GUSB: variants seen among roughly 807,000 people sequenced by gnomAD.
GUSB encodes beta-glucuronidase.
In GUSB, 51 loss-of-function variants were observed where a neutral mutation model predicts 74.6. The ratio of observed to expected loss-of-function variants is 0.68; its 90% CI spans 0.55 to 0.86. The LOEUF is 0.86. GUSB is among the 40% of genes least tolerant of loss of function. The pLI, the probability that GUSB is intolerant of heterozygous loss-of-function variation, is 0.00. For synonymous variants in GUSB, 360 were observed against 348.3 expected, an observed-to-expected ratio of 1.03 and a Z score of -0.37; for missense variants, 736 against 853.7, an observed-to-expected ratio of 0.86 and a Z score of 1.72.
intron 4 of GUSB, 147 bp from the exon 5 acceptor site, chr7:65,976,349 G>A (rs1438888427): frequency 3.9e-5 from 25 of 645,736 alleles, no homozygotes; most frequent in African/African-American, 9.3e-5. Context: ...TTTTTGAGAC[G>A]GAGTCTCACT....
At chr7:65,977,713 G>A (rs1051175727) in intron 4 of GUSB, among the ~76,000 whole-genome samples, 7 of 151,696 alleles carry the variant, frequency 4.6e-5, no homozygotes, top group Admixed American at 3.9e-4. Flanking sequence ...ACTTAGAACC[G>A]CGGCCCCACA....
intron 4 of GUSB, among the ~76,000 whole-genome samples, chr7:65,978,866 A>T (rs1791782732): frequency 1.3e-5 from 2 of 151,992 alleles, no homozygotes; most frequent in Non-Finnish European, 2.9e-5. Context: ...CACCCTTGAC[A>T]TCCCAGGCTC....
intron 10 of GUSB, among the ~76,000 whole-genome samples, chr7:65,967,008 C>T (rs1790878956): frequency 6.6e-6 from 1 of 152,084 alleles, no homozygotes; most frequent in Non-Finnish European, 1.5e-5. Context: ...CAAGCAAGAG[C>T]AGGAGAGCAA....
rs1236870861 is a variant in GUSB, at chr7:65,964,281, T to G, written c.1789+42A>C. On this transcript the variant is annotated intron_variant, in intron 11 of 11. Transcript: ENST00000304895. ...GAATTGGAAAGGCAACCTGAAAAAA[T>G]GAGGACGGGTACGTTATCCCATGAG... 9 of 1,575,178 alleles carry G rather than the reference T, an allele frequency of 5.7e-6. No individual in the cohort carries two copies. In the African/African-American group the frequency reaches 1.2e-4, roughly 21 times the overall value.
At chr7:65,973,703 G>C (rs1253313078) in intron 8 of GUSB, among the ~76,000 whole-genome samples, 1 of 152,226 alleles carries the variant, frequency 6.6e-6, no homozygotes, top group Non-Finnish European at 1.5e-5. Flanking sequence ...GTTGCAGTGA[G>C]CTGAGATCAT....
rs1251069126 is a variant in GUSB at position 65,982,016 on chromosome 7, G to C, written c.168C>G (p.Arg56=). ...SFRADFSDNR[R]RGFEEQWYRR... ...GGTACCACTGCTCCTCGAAGCCCCG[G>C]CGTCGGTTGTCAGAGAAGTCGGCGC... Residue 56 remains arginine (R), a synonymous_variant, in exon 1 of 12, where the codon CGC becomes CGG. Coordinates refer to ENST00000304895, the MANE Select transcript of GUSB (RefSeq NM_000181.4). The C allele has an allele frequency of 1.2e-6, 2 of 1,610,114 alleles. No individual in the cohort carries two copies. Among genetic ancestry groups the C allele is most frequent in the Admixed American group, 3.3e-5 (2 of 59,954 alleles).
intron 5 of GUSB, 182 bp downstream of exon 5, chr7:65,975,833 A>G (rs1375488857): frequency 3.6e-6 from 2 of 563,350 alleles, no homozygotes; most frequent in South Asian, 2.1e-5. Flanking sequence ...CCTGGGTGAC[A>G]GAGTGAGACC....
chr7:65,974,211 C>T, intron 8 of GUSB, 84 bp downstream of exon 8: 1 of 1,388,508 alleles, frequency 7.2e-7, no homozygotes, highest in Middle Eastern at 1.8e-4. Context: ...CGAGGCCGAT[C>T]TTGAACAGCA....
chr7:65,963,283 A>T (rs1315965659), intron 11 of GUSB, among the ~76,000 whole-genome samples: 1 of 151,500 alleles, frequency 6.6e-6, no homozygotes, highest in African/African-American at 2.4e-5. Context: ...TTTTCCCTTT[A>T]CCTCTTCCTT....
chr7:65,971,842 A>G lies in GUSB; in HGVS notation c.1392-1476T>C, dbSNP rs150201881. 9.3e-3 allele frequency among the ~76,000 whole-genome samples: 1,414 copies of G among 152,086 alleles called. 25 individuals carry two copies. The highest frequency in any genetic ancestry group is 0.031 in the African/African-American group (1,275 of 41,458). ...GATAACCTGAGGTTGGGAGTTCGAG[A>G]CCAGCCTGACCAACACGGAGAAACC... is the stretch of plus-strand genomic sequence containing the variant. On this transcript the variant is annotated intron_variant, in intron 8 of 11. Transcript: ENST00000304895.
chr7:65,962,887 C>A (rs1349615668), intron 11 of GUSB, among the ~76,000 whole-genome samples: 1 of 151,910 alleles, frequency 6.6e-6, no homozygotes, highest in Non-Finnish European at 1.5e-5. Context: ...AAAAAAGAGT[C>A]TCACTCTATT....
chr7:65,972,736 TC>T (rs1469386316), intron 8 of GUSB, among the ~76,000 whole-genome samples: 2 of 151,960 alleles, frequency 1.3e-5, no homozygotes, highest in African/African-American at 2.4e-5. Context: ...TCTGGCCACC[TC>T]CCAAAGAAGC....
At chr7:65,961,880 T>C (rs1239746138) in intron 11 of GUSB, among the ~76,000 whole-genome samples, 5 of 152,054 alleles carry the variant, frequency 3.3e-5, no homozygotes, top group Non-Finnish European at 7.4e-5. Context: ...TGGGTGCCTG[T>C]GGTCCCAGCT....
At position 65,976,316 on chromosome 7, in the gene GUSB, T is replaced by A. The variant is rs191138389; in HGVS notation, c.725-114A>T. On this transcript the variant is annotated intron_variant, in intron 4 of 11. Transcript: ENST00000304895. Reference sequence around the variant, plus strand: ...AGCCATTTGTTTCTGTTGCTTTTTTTAAATTTAATTTCTTATTTTTTTTTT... The same window carrying A: ...AGCCATTTGTTTCTGTTGCTTTTTTAAAATTTAATTTCTTATTTTTTTTTT... 3.4e-3 allele frequency: 2,489 copies of A among 739,460 alleles called. 17 individuals carry two copies. The highest frequency in any genetic ancestry group is 3.7e-3 in the Non-Finnish European group (1,619 of 437,182). 45.8% of individuals were successfully genotyped at this position (739,460 alleles called of 1,614,324 possible). A position where few individuals can be genotyped will look rare whatever the true frequency, so the allele number is the denominator to read the frequency against.
intron 8 of GUSB, among the ~76,000 whole-genome samples, chr7:65,973,807 T>C (rs1321761489): frequency 1.3e-5 from 2 of 151,992 alleles, no homozygotes; most frequent in African/African-American, 4.8e-5. Flanking sequence ...GACACACATC[T>C]AGAATCCCAG....
chr7:65,981,840 A>T (rs1792047839), intron 1 of GUSB, 134 bp downstream of exon 1: 5 of 779,086 alleles, frequency 6.4e-6, no homozygotes, highest in Non-Finnish European at 9.9e-6. Flanking sequence ...GGCGCCCCCA[A>T]GCCCGTTGAC....
chr7:65,972,365 T>C (rs1251276391), intron 8 of GUSB, among the ~76,000 whole-genome samples: 1 of 152,138 alleles, frequency 6.6e-6, no homozygotes, highest in Non-Finnish European at 1.5e-5. Flanking sequence ...TTTCAATATC[T>C]GTTGGCCACG....
At chr7:65,970,452 CG>C in intron 8 of GUSB, 86 bp from the exon 9 acceptor site, 1 of 846,342 alleles carries the variant, frequency 1.2e-6, no homozygotes, top group Non-Finnish European at 2.0e-6. Context: ...CATCTTCCAC[CG>C]CCAGAACACA....
chr7:65,973,506 G>A (rs941588774), intron 8 of GUSB, among the ~76,000 whole-genome samples: 7 of 152,206 alleles, frequency 4.6e-5, no homozygotes, highest in Non-Finnish European at 8.8e-5. Flanking sequence ...AGAATCACTT[G>A]AACCTGGAAG....
Sources: allele counts gnomAD v4.1 joint callset (sites outside exome capture counted in the v4.1 genomes callset), GRCh38; gene constraint gnomAD v4.1.1; transcripts MANE v1.5; gene names NCBI Gene and HGNC (gene_info 2026-07-23, HGNC 2026-07-21).